The following DLG1 variants were observed in gnomAD, a reference collection of about 807,000 sequenced individuals.
DLG1 encodes the protein disks large homolog 1.
In DLG1, 42 loss-of-function variants were observed where a neutral mutation model predicts 123.4. That is an observed-to-expected ratio of 0.34 (90% CI 0.27 to 0.44). DLG1 has a LOEUF of 0.44. Among genes scored for constraint, DLG1 ranks in the 20% least tolerant of loss-of-function variants. The pLI, the probability that DLG1 is intolerant of heterozygous loss-of-function variation, is 1.00. For missense variants in DLG1, 942 were observed against 1,082.6 expected (o/e 0.87, Z 1.82); for synonymous variants, 317 against 356.2 (o/e 0.89, Z 1.24).
intron 5 of DLG1, among the ~76,000 whole-genome samples, chr3:197,192,163 C>A (rs181791512): frequency 4.6e-5 from 7 of 152,190 alleles, no homozygotes; most frequent in African/African-American, 1.7e-4. Context: ...CAGAGCAAGA[C>A]CCTGTCTCAG....
chr3:197,193,835 T>C (rs1190463243), intron 5 of DLG1, among the ~76,000 whole-genome samples: 7 of 152,068 alleles, frequency 4.6e-5, no homozygotes, highest in Non-Finnish European at 8.8e-5. Flanking sequence ...TTTTTTTTTT[T>C]TTTGAAATGG....
intron 4 of DLG1, among the ~76,000 whole-genome samples, chr3:197,230,220 T>C (rs930027311): frequency 1.3e-5 from 2 of 152,222 alleles, no homozygotes; most frequent in Non-Finnish European, 2.9e-5. Flanking sequence ...TCAAAATGTT[T>C]GCACTACTCA....
intron 4 of DLG1, among the ~76,000 whole-genome samples, chr3:197,248,067 A>G (rs1476835691): frequency 6.6e-6 from 1 of 151,848 alleles, no homozygotes; most frequent in Non-Finnish European, 1.5e-5. Context: ...GATTGGACTT[A>G]CTCACTCTAC....
intron 4 of DLG1, among the ~76,000 whole-genome samples, chr3:197,215,517 C>T (rs1733672473): frequency 6.6e-6 from 1 of 152,010 alleles, no homozygotes; most frequent in African/African-American, 2.4e-5. Flanking sequence ...TAAACCTAAA[C>T]AGAAAACACT....
intron 5 of DLG1, among the ~76,000 whole-genome samples, chr3:197,190,075 AC>A (rs1718440708): frequency 6.6e-6 from 1 of 152,232 alleles, no homozygotes. Context: ...TAAAGCAGAT[AC>A]CAAAAAACTG....
At chr3:197,292,551 C>A (rs915724010) in intron 3 of DLG1, among the ~76,000 whole-genome samples, 16 of 152,158 alleles carry the variant, frequency 1.1e-4, no homozygotes, top group African/African-American at 3.1e-4. Context: ...GAATACATTT[C>A]ACACTCCTGA....
chr3:197,268,539 C>T (rs528801204), intron 4 of DLG1, among the ~76,000 whole-genome samples: 2 of 152,176 alleles, frequency 1.3e-5, no homozygotes, highest in South Asian at 4.1e-4. Flanking sequence ...CCCACCTCAT[C>T]CTCCCACGTA....
At chr3:197,175,697 C>T (rs1035030148) in intron 5 of DLG1, among the ~76,000 whole-genome samples, 16 of 152,182 alleles carry the variant, frequency 1.1e-4, no homozygotes, top group African/African-American at 3.6e-4. Context: ...CTGGGGATAC[C>T]AAGGGAAAAA....
At chr3:197,154,513 A>G (rs1324239913) in intron 5 of DLG1, among the ~76,000 whole-genome samples, 1 of 151,856 alleles carries the variant, frequency 6.6e-6, no homozygotes, top group African/African-American at 2.4e-5. Context: ...GTCTCTACTA[A>G]AACTACAAAA....
chr3:197,194,657 A>T, intron 4 of DLG1, 68 bp from the exon 5 acceptor site: 1 of 1,111,080 alleles, frequency 9.0e-7, no homozygotes, highest in Non-Finnish European at 1.3e-6. Flanking sequence ...CATGGTTTTC[A>T]TAACTAGCCA....
At chr3:197,108,748 T>G (rs929414369) in intron 13 of DLG1, among the ~76,000 whole-genome samples, 2 of 152,188 alleles carry the variant, frequency 1.3e-5, no homozygotes, top group African/African-American at 2.4e-5. Context: ...AACCTTTTTG[T>G]GTCTTTGAGT....
In DLG1 at chr3:197,259,008, T is replaced by TA. The variant is rs561469497; in HGVS notation, c.318+23670dup. On this transcript the variant is annotated intron_variant, in intron 4 of 24. Transcript: ENST00000667157. ...CCCTCTTTTGCTAAAAGAGTCAATG[T>TA]AAAAAAATTCAAAGTCTATCAAGGA... Among the ~76,000 whole-genome samples, 192 of 152,138 alleles carry TA rather than the reference T, an allele frequency of 1.3e-3. 1 individual carries two copies. The highest frequency in any genetic ancestry group is 3.4e-3 in the Middle Eastern group (1 of 294).
At chr3:197,282,869 C>A in intron 3 of DLG1, 24 bp from the exon 4 acceptor site, 2 of 1,388,302 alleles carry the variant, frequency 1.4e-6, no homozygotes, top group Admixed American at 2.2e-5. Context: ...AATAAAAATT[C>A]ATAAGTATTT....
chr3:197,052,016 T>A (rs989237159), intron 23 of DLG1, among the ~76,000 whole-genome samples: 6 of 151,886 alleles, frequency 4.0e-5, no homozygotes, highest in Admixed American at 3.3e-4. Flanking sequence ...AATTTTTATA[T>A]TTTTAGTAGA....
chr3:197,143,314 GGC>G (rs1170535571), intron 6 of DLG1, among the ~76,000 whole-genome samples: 5 of 151,540 alleles, frequency 3.3e-5, no homozygotes, highest in Middle Eastern at 6.3e-3. Flanking sequence ...GTGCAGTGGT[GGC>G]GTGATCTTGG....
intron 1 of DLG1, chr3:197,297,489 A>G (rs976173410): frequency 1.3e-5 from 17 of 1,293,832 alleles, no homozygotes; most frequent in Middle Eastern, 3.0e-4. Context: ...CCCCTCCCCA[A>G]AGAGCCTAGA....
chr3:197,078,951 CAT>C (rs1205361505), intron 17 of DLG1, among the ~76,000 whole-genome samples: 1 of 151,980 alleles, frequency 6.6e-6, no homozygotes, highest in East Asian at 1.9e-4. Flanking sequence ...AATGAGATAT[CAT>C]AAAGATATCA....
intron 3 of DLG1, among the ~76,000 whole-genome samples, chr3:197,291,551 C>A (rs1359536843): frequency 6.6e-6 from 1 of 152,136 alleles, no homozygotes; most frequent in Admixed American, 6.5e-5. Context: ...AGATTACTAA[C>A]CCTAAAGATT....
At chr3:197,225,341 A>C (rs1477956256) in intron 4 of DLG1, among the ~76,000 whole-genome samples, 1 of 152,218 alleles carries the variant, frequency 6.6e-6, no homozygotes, top group African/African-American at 2.4e-5. Context: ...ACACATTACT[A>C]AATTAACCAG....
Sources: allele counts gnomAD v4.1 joint callset (sites outside exome capture counted in the v4.1 genomes callset), GRCh38; gene constraint gnomAD v4.1.1; transcripts MANE v1.5; gene names NCBI Gene and HGNC (gene_info 2026-07-23, HGNC 2026-07-21).